ZNF846: variants seen among roughly 807,000 people sequenced by gnomAD.
ZNF846 encodes the protein zinc finger protein 846.
ZNF846 carries 15 observed loss-of-function variants against 16.0 expected under a neutral mutation model. The observed-to-expected ratio is 0.94, with a 90% CI of 0.63 to 1.45. The LOEUF (loss-of-function observed/expected upper bound fraction) is 1.45, where lower values mean the gene tolerates loss of function less well. ZNF846 is among the 40% of genes most tolerant of loss of function. The pLI, the probability that ZNF846 is intolerant of heterozygous loss-of-function variation, is 0.00. For missense variants in ZNF846, 714 were observed against 622.3 expected, an observed-to-expected ratio of 1.15 and a Z score of -1.57; for synonymous variants, 229 against 212.0, an observed-to-expected ratio of 1.08 and a Z score of -0.70.
chr19:9,760,737 G>C (rs2145212220), intron 4 of ZNF846, among the ~76,000 whole-genome samples: 1 of 151,086 alleles, frequency 6.6e-6, no homozygotes, highest in South Asian at 2.1e-4. Flanking sequence ...TATATATATA[G>C]CTAAGTGAAA....
chr19:9,786,015 C>T (rs1199296709), exon 1 of ZNF846: 1 of 151,732 alleles, frequency 6.6e-6, no homozygotes, highest in East Asian at 2.0e-4. Context: ...TGTGGCCACG[C>T]GCACTTCTGA....
At chr19:9,777,147 A>G (rs987299211) in intron 1 of ZNF846, among the ~76,000 whole-genome samples, 33 of 143,752 alleles carry the variant, frequency 2.3e-4, no homozygotes, top group South Asian at 1.1e-3. Context: ...ACACACACAC[A>G]CGCACACACA....
intron 1 of ZNF846, among the ~76,000 whole-genome samples, chr19:9,783,789 G>C (rs976077687): frequency 6.6e-6 from 1 of 151,218 alleles, no homozygotes; most frequent in African/African-American, 2.4e-5. Context: ...CCCAAGCTCA[G>C]GTGATCCTCC....
intron 1 of ZNF846, among the ~76,000 whole-genome samples, chr19:9,785,353 A>G (rs2045547382): frequency 1.3e-5 from 2 of 152,126 alleles, no homozygotes; most frequent in African/African-American, 4.8e-5. Context: ...GCCTGCCAGC[A>G]TGCCCAGCTA....
downstream of ZNF846, among the ~76,000 whole-genome samples, chr19:9,754,792 T>C (rs1334121692): frequency 6.6e-6 from 1 of 151,394 alleles, no homozygotes. Context: ...TTGATTTGTT[T>C]TTTTAGTGAC....
At chr19:9,776,450 TTCTC>T (rs1321267984) in intron 1 of ZNF846, among the ~76,000 whole-genome samples, 1 of 152,206 alleles carries the variant, frequency 6.6e-6, no homozygotes, top group Admixed American at 6.5e-5. Flanking sequence ...TAAGCTGTCT[TTCTC>T]TCTGTCTCCT....
At chr19:9,777,901 T>C (rs1398513360) in intron 1 of ZNF846, among the ~76,000 whole-genome samples, 2 of 151,700 alleles carry the variant, frequency 1.3e-5, no homozygotes, top group Admixed American at 6.6e-5. Flanking sequence ...TGAGTAACGG[T>C]GCTATGAACA....
chr19:9,783,538 A>AT (rs1214845852), intron 1 of ZNF846, among the ~76,000 whole-genome samples: 104 of 115,432 alleles, frequency 9.0e-4, no homozygotes, highest in Middle Eastern at 3.9e-3. Context: ...AAAAAAAAAA[A>AT]AAAAAAATAT....
intron 1 of ZNF846, among the ~76,000 whole-genome samples, chr19:9,784,435 G>A (rs527806822): frequency 2.0e-5 from 3 of 152,264 alleles, no homozygotes; most frequent in Admixed American, 6.5e-5. Context: ...CAGTATTGCC[G>A]CCAGCATGTC....
chr19:9,785,145 G>A (rs545297077), intron 1 of ZNF846, among the ~76,000 whole-genome samples: 16 of 151,280 alleles, frequency 1.1e-4, no homozygotes, highest in African/African-American at 3.4e-4. Flanking sequence ...ACAATACCCC[G>A]GCCCCATCTG....
At chr19:9,756,307 GTATGTGTGTGTGCATATATA>G (rs1568319815), downstream of ZNF846, 7 of 141,596 alleles carry the variant, frequency 4.9e-5, no homozygotes, top group Non-Finnish European at 9.0e-5. Flanking sequence ...ATACGTGTGT[GTATGTGTGTGTGCATATATA>G]TGTGTGTGTG....
At chr19:9,785,901 C>T (rs2045555859) in intron 1 of ZNF846, 2 of 142,422 alleles carry the variant, frequency 1.4e-5, no homozygotes, top group African/African-American at 5.5e-5. Context: ...CCCCGTCTGC[C>T]TCCCTCCGGG....
intron 2 of ZNF846, 124 bp downstream of exon 2, chr19:9,764,812 G>T: frequency 3.5e-6 from 4 of 1,146,538 alleles, no homozygotes; most frequent in Non-Finnish European, 2.6e-6. Flanking sequence ...AAATTCACCT[G>T]GGGAGTTATT....
At chr19:9,757,833 A>G (rs752337060) in exon 6 of ZNF846, 5 of 1,613,016 alleles carry the variant, frequency 3.1e-6, no homozygotes, top group Non-Finnish European at 4.2e-6. Context: ...TCCAGTGTGA[A>G]TCCTTACATG....
downstream of ZNF846, chr19:9,755,384 C>G (rs919184615): frequency 6.6e-6 from 1 of 151,642 alleles, no homozygotes; most frequent in African/African-American, 2.4e-5. Context: ...ATTTCAATTT[C>G]TCCTCTAGTA....
At position 9,763,415 on chromosome 19, in the gene ZNF846, C is replaced by T. The variant is rs753157552; in HGVS notation, c.16-7G>A. The T allele has an allele frequency of 1.3e-6, 2 of 1,588,876 alleles. No individual in the cohort carries two copies. Among genetic ancestry groups the T allele is most frequent in the Non-Finnish European group, 1.7e-6 (2 of 1,169,908 alleles). On this transcript the variant is annotated splice_region_variant and splice_polypyrimidine_tract_variant and intron_variant, in intron 2 of 5. Coordinates refer to ENST00000397902, the Ensembl canonical transcript of ZNF846. ...CCTCAAAGGTCACTAAGTGCTAAAC[C>T]ATTAAATACATGCCAGCTTCAGCTA...
At chr19:9,751,188 A>G (rs1455891813), downstream of ZNF846, among the ~76,000 whole-genome samples, 1 of 152,028 alleles carries the variant, frequency 6.6e-6, no homozygotes, top group African/African-American at 2.4e-5. Flanking sequence ...TAATCACTCT[A>G]TACAACAAAT....
exon 6 of ZNF846, chr19:9,758,760 C>G: frequency 6.4e-7 from 1 of 1,558,850 alleles, no homozygotes; most frequent in Non-Finnish European, 8.7e-7. Flanking sequence ...AGTATTGCTT[C>G]TCTCCTGTTG....
At chr19:9,775,918 C>T (rs1234253063) in intron 1 of ZNF846, among the ~76,000 whole-genome samples, 4 of 152,216 alleles carry the variant, frequency 2.6e-5, no homozygotes, top group East Asian at 3.8e-4. Context: ...GGCAATTACT[C>T]TTTATTCCAA....
Sources: allele counts gnomAD v4.1 joint callset (sites outside exome capture counted in the v4.1 genomes callset), GRCh38; gene constraint gnomAD v4.1.1; transcripts MANE v1.5; gene names NCBI Gene and HGNC (gene_info 2026-07-23, HGNC 2026-07-21).